Variants in PTPN21 observed in about 807,000 individuals in gnomAD.
PTPN21 encodes tyrosine-protein phosphatase non-receptor type 21.
PTPN21 carries 77 observed loss-of-function variants against 131.8 expected under a neutral mutation model. That is an observed-to-expected ratio of 0.58 (90% CI 0.49 to 0.71). PTPN21 has a LOEUF of 0.71. PTPN21 is among the 30% of genes least tolerant of loss of function. The probability of loss-of-function intolerance (pLI) is 0.00; values close to 1 mark genes in which losing one functional copy is unlikely to be tolerated. For missense variants in PTPN21, 1,552 were observed against 1,527.1 expected, an observed-to-expected ratio of 1.02 and a Z score of -0.27; for synonymous variants, 715 against 621.3, an observed-to-expected ratio of 1.15 and a Z score of -2.24.
intron 8 of PTPN21, 147 bp downstream of exon 8, chr14:88,500,636 G>C (rs1315902630): frequency 9.7e-6 from 6 of 619,172 alleles, no homozygotes; most frequent in Non-Finnish European, 1.7e-5. Flanking sequence ...GCATTCAGAT[G>C]GTATTTTTTT....
intron 12 of PTPN21, among the ~76,000 whole-genome samples, chr14:88,481,989 T>C (rs1330464097): frequency 6.6e-6 from 1 of 152,256 alleles, no homozygotes; most frequent in African/African-American, 2.4e-5. Flanking sequence ...CTCAAGCCCC[T>C]ACGGCAGACT....
rs377150321 is a variant in PTPN21 at position 88,478,912 on chromosome 14, T to C, written c.2511+8A>G. On this transcript the variant is annotated splice_region_variant and intron_variant, in intron 13 of 18. Coordinates refer to ENST00000556564, the MANE Select transcript of PTPN21 (RefSeq NM_007039.4). ...CCCTGGCCCGGCACTGCTCGCCGCG[T>C]GGCTTACCCCTAGAGGCGGGAGCCC... 143 of 1,466,888 alleles carry C rather than the reference T, an allele frequency of 9.7e-5. No individual in the cohort carries two copies. The African/African-American group carries it at 1.6e-3, about 16-fold the overall frequency. The allele number at this position is 1,466,888 out of a possible 1,614,324, so 90.9% of individuals were successfully genotyped here.
chr14:88,554,930 G>T lies in PTPN21; in HGVS notation c.-482C>A, dbSNP rs578242022. Among the ~76,000 whole-genome samples, 699 of 151,774 alleles carry T rather than the reference G, an allele frequency of 4.6e-3. 7 individuals carry two copies. Among genetic ancestry groups the T allele is most frequent in the African/African-American group, 0.016 (644 of 41,518 alleles). The stretch of plus-strand genomic sequence containing the variant: ...ACAAAGAAGCCCCGTGGGGGCGGGG[G>T]GTGGCAGGAGGACGGACAGACCGTC... On this transcript the variant is annotated 5_prime_UTR_variant, in exon 1 of 19. Coordinates refer to ENST00000556564, the MANE Select transcript of PTPN21 (RefSeq NM_007039.4).
At chr14:88,484,970 G>T in intron 12 of PTPN21, 106 bp downstream of exon 12, 1 of 830,132 alleles carries the variant, frequency 1.2e-6, no homozygotes, top group Non-Finnish European at 2.1e-6. Flanking sequence ...TGCAATTTGG[G>T]GTGCAACTTC....
In PTPN21 at chr14:88,543,864, T is replaced by C. The variant is rs137905880; in HGVS notation, c.180+6374A>G. Among the ~76,000 whole-genome samples the C allele has an allele frequency of 4.9e-3, 752 of 152,260 alleles. 7 individuals carry two copies. The highest frequency in any genetic ancestry group is 0.017 in the African/African-American group (688 of 41,538). ...TAACTCAACTTCAAAACAATAGTTA[T>C]GTATGAAGGCCATATATGGGAACAA... On this transcript the variant is annotated intron_variant, in intron 2 of 18. Coordinates refer to ENST00000556564, the MANE Select transcript of PTPN21 (RefSeq NM_007039.4).
intron 3 of PTPN21, among the ~76,000 whole-genome samples, chr14:88,510,651 G>C (rs184291362): frequency 4.6e-5 from 7 of 152,318 alleles, no homozygotes; most frequent in Non-Finnish European, 8.8e-5. Flanking sequence ...CCCAGTTCCA[G>C]TATATACTAG....
At position 88,468,270 on chromosome 14, in the gene PTPN21, G is replaced by A. The variant is rs889763373; in HGVS notation, c.3397-5C>T. ...CACTCTCGGGATGTCCAGCACCTAG[G>A]TTGAGAGAAACGGTAATGAAGATAA... On this transcript the variant is annotated splice_polypyrimidine_tract_variant and splice_region_variant and intron_variant, in intron 18 of 18. Transcript: ENST00000556564. 2 of 1,591,590 alleles carry A rather than the reference G, an allele frequency of 1.3e-6. No homozygotes were observed. The highest frequency in any genetic ancestry group is 1.7e-6 in the Non-Finnish European group (2 of 1,170,386).
intron 2 of PTPN21, among the ~76,000 whole-genome samples, chr14:88,543,287 C>T (rs117353057): frequency 6.6e-6 from 1 of 152,240 alleles, no homozygotes; most frequent in East Asian, 1.9e-4. Flanking sequence ...TGTTCAAAGT[C>T]CAGTGAGGAA....
chr14:88,501,267 C>G lies in PTPN21; in HGVS notation c.675+14G>C. ...CCTAACTTTAAAGAGCCCCAGCCGC[C>G]AAGCCACACTTACCTTAGCAGGGTA... On this transcript the variant is annotated intron_variant, in intron 7 of 18. Coordinates refer to ENST00000556564, the MANE Select transcript of PTPN21 (RefSeq NM_007039.4). The G allele has an allele frequency of 1.2e-6, 2 of 1,601,380 alleles. No individual in the cohort carries two copies. Among genetic ancestry groups the G allele is most frequent in the Non-Finnish European group, 1.7e-6 (2 of 1,168,840 alleles).
intron 10 of PTPN21, among the ~76,000 whole-genome samples, chr14:88,486,264 C>T (rs1181030227): frequency 1.6e-4 from 25 of 152,204 alleles, no homozygotes; most frequent in Admixed American, 1.6e-3. Flanking sequence ...CCCTGGGTCC[C>T]TCCACTAACC....
chr14:88,538,095 CAA>C (rs2078655386), intron 2 of PTPN21, among the ~76,000 whole-genome samples: 1 of 152,166 alleles, frequency 6.6e-6, no homozygotes, highest in Admixed American at 6.5e-5. Context: ...TGTTACTGCA[CAA>C]AGTTTCAATA....
intron 10 of PTPN21, among the ~76,000 whole-genome samples, chr14:88,492,397 T>G (rs972162580): frequency 6.6e-6 from 1 of 152,196 alleles, no homozygotes; most frequent in South Asian, 2.1e-4. Flanking sequence ...CACTTTCATA[T>G]GCAAATACAC....
At position 88,476,273 on chromosome 14, in the gene PTPN21, C is replaced by T. The variant is rs183937763; in HGVS notation, c.2512-2471G>A. Among the ~76,000 whole-genome samples, 161 of 152,336 alleles carry T rather than the reference C, an allele frequency of 1.1e-3. 2 individuals are homozygous for T. The East Asian group carries it at 0.023, about 22-fold the overall frequency. Reference sequence around the variant, plus strand: ...AGAGGGTACAATAGGGAATTGGCCTCTTCCACTCTTGAAAGCCATTAAGTT... The same window carrying T: ...AGAGGGTACAATAGGGAATTGGCCTTTTCCACTCTTGAAAGCCATTAAGTT... On this transcript the variant is annotated intron_variant, in intron 13 of 18. Coordinates refer to ENST00000556564, the MANE Select transcript of PTPN21 (RefSeq NM_007039.4).
intron 2 of PTPN21, among the ~76,000 whole-genome samples, chr14:88,549,435 T>C (rs891947059): frequency 2.0e-5 from 3 of 152,110 alleles, no homozygotes; most frequent in Non-Finnish European, 4.4e-5. Flanking sequence ...CCATTAGTTC[T>C]TATAGGGCAC....
chr14:88,507,389 T>G (rs770213566), intron 4 of PTPN21, among the ~76,000 whole-genome samples: 42 of 152,118 alleles, frequency 2.8e-4, no homozygotes, highest in Non-Finnish European at 1.0e-4. Context: ...CAAACCTAGG[T>G]GGTGCAGCCT....
chr14:88,550,134 G>A (rs1566857486), intron 2 of PTPN21, 104 bp downstream of exon 2: 12 of 1,227,724 alleles, frequency 9.8e-6, no homozygotes, highest in South Asian at 1.4e-5. Flanking sequence ...GGCTAGGCTC[G>A]AACTCCTGAC....
chr14:88,519,657 C>T (rs1408180381), intron 2 of PTPN21, among the ~76,000 whole-genome samples: 1 of 152,076 alleles, frequency 6.6e-6, no homozygotes, highest in Non-Finnish European at 1.5e-5. Context: ...AAGAACTATA[C>T]CTTTAAAATG....
chr14:88,516,945 CAT>C (rs2078280184), intron 3 of PTPN21, 145 bp downstream of exon 3: 17 of 840,116 alleles, frequency 2.0e-5, no homozygotes, highest in Non-Finnish European at 3.1e-5. Flanking sequence ...TGACATGCCA[CAT>C]ATGAGAATCT....
At chr14:88,545,778 C>T (rs757729630) in intron 2 of PTPN21, among the ~76,000 whole-genome samples, 4 of 151,970 alleles carry the variant, frequency 2.6e-5, no homozygotes, top group Non-Finnish European at 5.9e-5. Flanking sequence ...CTGGCTAACA[C>T]GGTGAAACCC....
Sources: allele counts gnomAD v4.1 joint callset (sites outside exome capture counted in the v4.1 genomes callset), GRCh38; gene constraint gnomAD v4.1.1; transcripts MANE v1.5; gene names NCBI Gene and HGNC (gene_info 2026-07-23, HGNC 2026-07-21).